The following KCNJ12 variants were observed in gnomAD, a reference collection of about 807,000 sequenced individuals.
KCNJ12 encodes the protein potassium inwardly rectifying channel subfamily J member 12, also known as ATP-sensitive inward rectifier potassium channel 12.
Under a neutral mutation model 22.3 loss-of-function variants are expected in KCNJ12, and 2 were observed. That is an observed-to-expected ratio of 0.09 (90% CI 0.04 to 0.28). KCNJ12 has a LOEUF of 0.28. Among genes scored for constraint, KCNJ12 ranks in the 10% least tolerant of loss-of-function variants. KCNJ12 has a pLI of 1.00. For missense variants in KCNJ12, 155 were observed against 633.3 expected, an observed-to-expected ratio of 0.24 and a Z score of 8.11; for synonymous variants, 117 against 261.4, an observed-to-expected ratio of 0.45 and a Z score of 5.33.
At chr17:21,378,167 C>T (rs1904734685) in intron 1 of KCNJ12, among the ~76,000 whole-genome samples, 1 of 152,226 alleles carries the variant, frequency 6.6e-6, no homozygotes, top group South Asian at 2.1e-4. Context: ...CGGTCCCTGG[C>T]CGCGCGGCTG....
rs58862472 is a variant in KCNJ12, at chr17:21,415,317, C to T, written c.-26C>T. The T allele has an allele frequency of 5.0e-6, 8 of 1,594,816 alleles. No individual in the cohort carries two copies. Among genetic ancestry groups the T allele is most frequent in the Admixed American group, 1.7e-5 (1 of 59,238 alleles). On this transcript the variant is annotated 5_prime_UTR_variant, in exon 3 of 3. Transcript: ENST00000583088. ...GCCCTGCCTGGAGCTAGCCTGGGGG[C>T]GAGCCAGGGTCCCCCAACCCCCGGG... is the stretch of plus-strand genomic sequence containing the variant.
chr17:21,392,433 A>G (rs1555559420), intron 1 of KCNJ12, among the ~76,000 whole-genome samples: 1 of 152,254 alleles, frequency 6.6e-6, no homozygotes, highest in African/African-American at 2.4e-5. Context: ...GCCCCCCAAC[A>G]GGGGCCCTCT....
intron 1 of KCNJ12, among the ~76,000 whole-genome samples, chr17:21,401,756 C>T (rs1251784393): frequency 2.0e-5 from 3 of 152,222 alleles, no homozygotes; most frequent in African/African-American, 7.2e-5. Flanking sequence ...AGTTCCCAAT[C>T]CCTTAACTTC....
chr17:21,405,062 G>C (rs1435948653), intron 1 of KCNJ12: 3 of 152,782 alleles, frequency 2.0e-5, no homozygotes, highest in Non-Finnish European at 4.4e-5. Flanking sequence ...TCCCGAGCAT[G>C]GAACAGCGAG....
At chr17:21,396,837 G>A (rs1479647716) in intron 1 of KCNJ12, among the ~76,000 whole-genome samples, 2 of 152,234 alleles carry the variant, frequency 1.3e-5, no homozygotes, top group Non-Finnish European at 2.9e-5. Context: ...TCAGGTAGCC[G>A]TGGGGACGGA....
In KCNJ12 at chr17:21,394,333, G is replaced by C. The variant is rs954083326; in HGVS notation, c.-178-14186G>C. ...TACAGTGTTCAGTACAGTACTTGCT[G>C]TACAGGTTTGCTGCCTAGGAGCAAC... On this transcript the variant is annotated intron_variant, in intron 1 of 2. Transcript: ENST00000583088. Among the ~76,000 whole-genome samples the C allele has an allele frequency of 3.4e-4, 52 of 152,194 alleles. 1 individual carries two copies. Among genetic ancestry groups the C allele is most frequent in the African/African-American group, 1.3e-3 (52 of 41,428 alleles).
At chr17:21,384,688 T>G (rs1905012021) in intron 1 of KCNJ12, among the ~76,000 whole-genome samples, 1 of 151,936 alleles carries the variant, frequency 6.6e-6, no homozygotes, top group African/African-American at 2.4e-5. Context: ...ACAGGATCAC[T>G]TGTTCCCTCA....
At chr17:21,402,439 C>A (rs1178589518) in intron 1 of KCNJ12, among the ~76,000 whole-genome samples, 2 of 152,302 alleles carry the variant, frequency 1.3e-5, no homozygotes, top group African/African-American at 4.8e-5. Context: ...CGCCGCTGAG[C>A]GTGTGAGTCA....
At chr17:21,392,679 G>A (rs1905239963) in intron 1 of KCNJ12, among the ~76,000 whole-genome samples, 1 of 152,246 alleles carries the variant, frequency 6.6e-6, no homozygotes, top group African/African-American at 2.4e-5. Context: ...CAGAGAATGA[G>A]GCCTGAGACT....
chr17:21,394,768 C>T (rs927571794), intron 1 of KCNJ12, among the ~76,000 whole-genome samples: 7 of 152,134 alleles, frequency 4.6e-5, no homozygotes, highest in East Asian at 1.9e-4. Context: ...GGGAGGGGAC[C>T]GGCCTGGCGT....
chr17:21,407,112 C>T (rs1905993322), intron 1 of KCNJ12, among the ~76,000 whole-genome samples: 1 of 152,282 alleles, frequency 6.6e-6, no homozygotes, highest in South Asian at 2.1e-4. Flanking sequence ...GTCATCTATC[C>T]TACTCGCCCA....
At chr17:21,395,798 A>G (rs1479711400) in intron 1 of KCNJ12, among the ~76,000 whole-genome samples, 2 of 152,186 alleles carry the variant, frequency 1.3e-5, no homozygotes, top group Non-Finnish European at 2.9e-5. Context: ...ACCACGACTG[A>G]GTGGCAGAGG....
intron 1 of KCNJ12, among the ~76,000 whole-genome samples, chr17:21,387,440 CAAAAAAAAAA>C (rs782125409): frequency 2.7e-5 from 1 of 36,540 alleles, no homozygotes; most frequent in African/African-American, 8.5e-5. Context: ...GACTCTATCT[CAAAAAAAAAA>C]AAAAAAAAAA....
chr17:21,402,309 C>T (rs1204681012), intron 1 of KCNJ12, among the ~76,000 whole-genome samples: 23 of 152,292 alleles, frequency 1.5e-4, no homozygotes, highest in Admixed American at 2.0e-4. Context: ...AGTCTCCACC[C>T]GTCTCTGGAT....
At chr17:21,393,750 C>G (rs952725217) in intron 1 of KCNJ12, among the ~76,000 whole-genome samples, 1 of 152,228 alleles carries the variant, frequency 6.6e-6, no homozygotes, top group African/African-American at 2.4e-5. Flanking sequence ...CTGGAAGGCA[C>G]CATTCAATCC....
At chr17:21,411,308 C>T (rs1906329681) in intron 2 of KCNJ12, among the ~76,000 whole-genome samples, 3 of 152,310 alleles carry the variant, frequency 2.0e-5, no homozygotes, top group Non-Finnish European at 2.9e-5. Flanking sequence ...CTGGTCTGTT[C>T]TTCAAGTGGA....
At chr17:21,381,486 C>T (rs1399133713) in intron 1 of KCNJ12, among the ~76,000 whole-genome samples, 5 of 152,002 alleles carry the variant, frequency 3.3e-5, no homozygotes, top group African/African-American at 1.2e-4. Context: ...CTCCCCGGGG[C>T]CACGCTCCTG....
chr17:21,378,950 G>A (rs1555557601), intron 1 of KCNJ12, among the ~76,000 whole-genome samples: 2 of 152,192 alleles, frequency 1.3e-5, no homozygotes, highest in South Asian at 2.1e-4. Context: ...TGGTGGAGGG[G>A]TATTGCCTAA....
At chr17:21,399,813 C>T (rs1156604406) in intron 1 of KCNJ12, among the ~76,000 whole-genome samples, 1 of 152,208 alleles carries the variant, frequency 6.6e-6, no homozygotes, top group African/African-American at 2.4e-5. Context: ...GGACTGGCTG[C>T]GTGTCCCTAG....
Sources: allele counts gnomAD v4.1 joint callset (sites outside exome capture counted in the v4.1 genomes callset), GRCh38; gene constraint gnomAD v4.1.1; transcripts MANE v1.5; gene names NCBI Gene and HGNC (gene_info 2026-07-23, HGNC 2026-07-21).